Variants in MARCHF10 observed in about 807,000 individuals in gnomAD.
MARCHF10 encodes the protein membrane associated ring-CH-type finger 10.
In MARCHF10, 64 loss-of-function variants were observed where a neutral mutation model predicts 76.2. The observed-to-expected ratio is 0.84, with a 90% confidence interval of 0.69 to 1.03. The LOEUF (loss-of-function observed/expected upper bound fraction) is 1.03. MARCHF10 is among the 50% of genes least tolerant of loss of function. MARCHF10 has a pLI of 0.00. For synonymous variants in MARCHF10, 340 were observed against 357.5 expected (o/e 0.95, Z 0.55); for missense variants, 875 against 958.0 (o/e 0.91, Z 1.14).
intron 3 of MARCHF10, among the ~76,000 whole-genome samples, chr17:62,769,109 T>C (rs1326150247): frequency 2.0e-5 from 3 of 152,372 alleles, no homozygotes; most frequent in East Asian, 1.9e-4. Context: ...GATTATTTTA[T>C]AGGTGGTGTG....
At chr17:62,769,806 A>G (rs1392295623) in intron 3 of MARCHF10, among the ~76,000 whole-genome samples, 1 of 151,878 alleles carries the variant, frequency 6.6e-6, no homozygotes, top group Non-Finnish European at 1.5e-5. Context: ...TTTTATTATC[A>G]TTGCATTCTC....
chr17:62,701,827 G>A lies in MARCHF10; in HGVS notation c.2372-69C>T, dbSNP rs186586117. On this transcript the variant is annotated intron_variant, in intron 10 of 10. Coordinates refer to ENST00000311269, the MANE Select transcript of MARCHF10 (RefSeq NM_152598.4). ...CCGTGGGTCTGTTACAGGGGGCACG[G>A]CACTGCTGCTTCATCTTCTCCCACC... 8 of 1,594,968 alleles carry A rather than the reference G, an allele frequency of 5.0e-6. 1 individual carries two copies. In the African/African-American group the frequency reaches 1.1e-4, roughly 21 times the overall value.
At chr17:62,740,546 A>G (rs1414443475) in intron 5 of MARCHF10, among the ~76,000 whole-genome samples, 2 of 152,118 alleles carry the variant, frequency 1.3e-5, no homozygotes, top group Non-Finnish European at 2.9e-5. Flanking sequence ...CATAATCCAA[A>G]ACTCGGATGA....
At chr17:62,744,159 C>T (rs58699638) in intron 5 of MARCHF10, among the ~76,000 whole-genome samples, 226 of 152,236 alleles carry the variant, frequency 1.5e-3, no homozygotes, top group African/African-American at 5.1e-3. Flanking sequence ...CCCCCGACCC[C>T]GCCTTCCCCT....
Position 62,711,797 on chromosome 17 carries a change from A to G in MARCHF10, c.2215-453T>C, listed in dbSNP as rs919122039. 6.6e-6 allele frequency among the ~76,000 whole-genome samples: 1 copy of G among 152,174 alleles called. No individual in the cohort carries two copies. Among genetic ancestry groups the G allele is most frequent in the South Asian group, 2.1e-4 (1 of 4,828 alleles). ...CAGAGATGCACCAGGCCTTGTCCAT[A>G]ACGTTCTCAGCAGTCACAGATGTCC... On this transcript the variant is annotated intron_variant, in intron 8 of 10. Coordinates refer to ENST00000311269, the MANE Select transcript of MARCHF10 (RefSeq NM_152598.4). This position sits in a 1 kb window ranked among gnomAD's most constrained non-coding sequence, Gnocchi z 4.4.
chr17:62,784,828 G>A (rs1179252204), intron 3 of MARCHF10, among the ~76,000 whole-genome samples: 1 of 152,108 alleles, frequency 6.6e-6, no homozygotes, highest in Admixed American at 6.6e-5. Context: ...GGATGTGAAG[G>A]ACCTCTTCAA....
chr17:62,725,584 C>T (rs1310419623), intron 6 of MARCHF10, among the ~76,000 whole-genome samples: 1 of 152,200 alleles, frequency 6.6e-6, no homozygotes, highest in Non-Finnish European at 1.5e-5. Context: ...ATTCTTGTAA[C>T]AGGCTTCTTT....
At position 62,746,188 on chromosome 17, in the gene MARCHF10, G is replaced by A. The variant is rs117109552; in HGVS notation, c.383-1660C>T. ...ATGACTAGGTCTACTTACTTCTGAC[G>A]GGCCCCAGGAGGGCATGGCAGTGGG... On this transcript the variant is annotated intron_variant, in intron 4 of 10. Transcript: ENST00000311269. Among the ~76,000 whole-genome samples the A allele has an allele frequency of 6.1e-3, 935 of 152,270 alleles. 8 individuals carry two copies. Among genetic ancestry groups the A allele is most frequent in the Admixed American group, 0.016 (250 of 15,306 alleles).
intron 3 of MARCHF10, among the ~76,000 whole-genome samples, chr17:62,768,903 G>A (rs1414324568): frequency 6.6e-6 from 1 of 152,096 alleles, no homozygotes; most frequent in East Asian, 1.9e-4. Flanking sequence ...GTCTTTTTGG[G>A]TATACATTTG....
intron 2 of MARCHF10, among the ~76,000 whole-genome samples, chr17:62,789,903 C>T (rs1406934113): frequency 6.6e-6 from 1 of 152,056 alleles, no homozygotes; most frequent in Non-Finnish European, 1.5e-5. Flanking sequence ...CACTGCATTC[C>T]AGCCTGGGTG....
intron 6 of MARCHF10, among the ~76,000 whole-genome samples, chr17:62,732,711 G>A (rs541947796): frequency 6.6e-6 from 1 of 152,208 alleles, no homozygotes; most frequent in Admixed American, 6.5e-5. Flanking sequence ...AAGAAGATGG[G>A]GCCGGGCACG....
At chr17:62,776,088 C>T (rs990130803) in intron 3 of MARCHF10, among the ~76,000 whole-genome samples, 8 of 152,088 alleles carry the variant, frequency 5.3e-5, no homozygotes, top group Admixed American at 3.3e-4. Context: ...TGAGTCACTG[C>T]GCTGGCCCTT....
intron 2 of MARCHF10, among the ~76,000 whole-genome samples, chr17:62,792,867 AC>A (rs2092886841): frequency 1.0e-5 from 1 of 99,110 alleles, no homozygotes; most frequent in Non-Finnish European, 2.1e-5. Context: ...AACCATCACC[AC>A]CCATCACCAT....
chr17:62,801,706 C>A lies in MARCHF10; in HGVS notation c.30G>T (p.Lys10Asn). 1.9e-6 allele frequency: 3 copies of A among 1,614,162 alleles called. No individual in the cohort carries two copies. In the South Asian group the frequency reaches 3.3e-5, roughly 18 times the overall value. Residue 10 changes from lysine (K) to asparagine (N), a missense_variant, in exon 2 of 11, where the codon AAG becomes AAT. Lys to Asn is a moderately conservative substitution (Grantham distance 94). Transcript: ENST00000311269. MLHDARDRQ[K>N]FFSDVQYLRD... The stretch of plus-strand genomic sequence containing the variant: ...GCAGATACTGAACATCGCTGAAGAA[C>A]TTCTGCCTGTCCCTTGCGTCATGCA...
At chr17:62,735,589 C>G (rs1599148939) in intron 6 of MARCHF10, 1 of 244,500 alleles carries the variant, frequency 4.1e-6, no homozygotes. Flanking sequence ...AGATAGCAAC[C>G]TTTTCCTAAA....
intron 3 of MARCHF10, among the ~76,000 whole-genome samples, chr17:62,776,001 T>C (rs147309034): frequency 6.3e-4 from 96 of 152,214 alleles, no homozygotes; most frequent in Non-Finnish European, 1.3e-3. Context: ...TGTTGCTGTG[T>C]TGCCCAGACT....
At position 62,736,860 on chromosome 17, in the gene MARCHF10, A is replaced by C; in HGVS notation, c.1008T>G (p.Ala336=). The change falls in exon 6 of 11, where the codon GCT becomes GCG. Residue 336 remains alanine, a synonymous_variant. Coordinates refer to ENST00000311269, the MANE Select transcript of MARCHF10 (RefSeq NM_152598.4). ...TTGAAGAATGACCTCTGCAATTTTC[A>C]GCATTTTCTTCAAAATTTTTATTTT... is the stretch of plus-strand genomic sequence containing the variant. The part of the protein sequence containing the change: ...QAKNKNFEEN[A]ENCRGHSSRR... 6.2e-7 allele frequency: 1 copy of C among 1,613,908 alleles called. No individual in the cohort carries two copies.
At chr17:62,777,741 A>G (rs1445684148) in intron 3 of MARCHF10, among the ~76,000 whole-genome samples, 1 of 151,110 alleles carries the variant, frequency 6.6e-6, no homozygotes, top group Non-Finnish European at 1.5e-5. Flanking sequence ...AAAAAAAAAG[A>G]AAAGTAGGTA....
In MARCHF10 at chr17:62,741,768, C is replaced by T. The variant is rs141890949; in HGVS notation, c.535+2608G>A. Among the ~76,000 whole-genome samples, 104 of 152,178 alleles carry T rather than the reference C, an allele frequency of 6.8e-4. 1 individual carries two copies. The highest frequency in any genetic ancestry group is 1.2e-3 in the Non-Finnish European group (79 of 68,006). ...CTGGACTGCAGTGGTTATCTTGGCT[C>T]ACTGCAAGCTCTGCCTCCCGGGTTC... On this transcript the variant is annotated intron_variant, in intron 5 of 10. Coordinates refer to ENST00000311269, the MANE Select transcript of MARCHF10 (RefSeq NM_152598.4).
Sources: allele counts gnomAD v4.1 joint callset (sites outside exome capture counted in the v4.1 genomes callset), GRCh38; gene constraint gnomAD v4.1.1; non-coding constraint Gnocchi (gnomAD v3.1); transcripts MANE v1.5; gene names NCBI Gene and HGNC (gene_info 2026-07-23, HGNC 2026-07-21).